Variants in COL14A1 observed in about 807,000 individuals in gnomAD.
COL14A1 encodes collagen alpha-1(XIV) chain.
In COL14A1, 136 loss-of-function variants were observed where a neutral mutation model predicts 230.3. The ratio of observed to expected loss-of-function variants is 0.59; its 90% CI spans 0.51 to 0.68. The LOEUF (loss-of-function observed/expected upper bound fraction) is 0.68, where lower values mean the gene tolerates loss of function less well. COL14A1 is among the 30% of genes least tolerant of loss of function. COL14A1 has a pLI of 0.00. For synonymous variants in COL14A1, 792 were observed against 784.1 expected, an observed-to-expected ratio of 1.01 and a Z score of -0.17; for missense variants, 1,976 against 2,215.8, an observed-to-expected ratio of 0.89 and a Z score of 2.17.
intron 32 of COL14A1, among the ~76,000 whole-genome samples, chr8:120,284,493 T>G (rs10106845): frequency 0.13 from 19,825 of 152,190 alleles, 1,407 homozygotes; most frequent in Non-Finnish European, 0.16. Context: ...ATATCTAGTT[T>G]TAGTTTAGGA....
chr8:120,285,805 A>G, intron 32 of COL14A1, 56 bp from the exon 33 acceptor site: 2 of 1,183,054 alleles, frequency 1.7e-6, no homozygotes, highest in Non-Finnish European at 2.4e-6. Flanking sequence ...AATTTTAGAA[A>G]ACAAAATTCA....
chr8:120,298,332 G>A (rs1435016209), intron 35 of COL14A1, among the ~76,000 whole-genome samples: 3 of 151,540 alleles, frequency 2.0e-5, no homozygotes, highest in Non-Finnish European at 4.4e-5. Flanking sequence ...GGACCCCTGT[G>A]AGCTCAATAT....
intron 14 of COL14A1, among the ~76,000 whole-genome samples, chr8:120,220,507 C>T (rs758585386): frequency 4.6e-5 from 7 of 152,016 alleles, no homozygotes; most frequent in African/African-American, 7.2e-5. Context: ...CTCTTGACCT[C>T]GTGATCTGCC....
chr8:120,261,519 A>G (rs1023667882), intron 23 of COL14A1, among the ~76,000 whole-genome samples: 6 of 152,200 alleles, frequency 3.9e-5, no homozygotes, highest in African/African-American at 1.4e-4. Context: ...ATTAATCCAG[A>G]TTCCTCAGTC....
At chr8:120,158,738 T>C (rs1273358231) in intron 3 of COL14A1, among the ~76,000 whole-genome samples, 1 of 152,178 alleles carries the variant, frequency 6.6e-6, no homozygotes. Flanking sequence ...AAATTAAGCA[T>C]CTTTATTTTA....
At chr8:120,250,167 T>C (rs1408600947) in intron 21 of COL14A1, among the ~76,000 whole-genome samples, 1 of 152,214 alleles carries the variant, frequency 6.6e-6, no homozygotes, top group Non-Finnish European at 1.5e-5. Context: ...GTGGTAACAT[T>C]GATGCTGGTT....
At chr8:120,257,879 T>A (rs993451715) in intron 23 of COL14A1, among the ~76,000 whole-genome samples, 2 of 152,200 alleles carry the variant, frequency 1.3e-5, no homozygotes, top group Non-Finnish European at 2.9e-5. Context: ...TATTTTTTCA[T>A]AGCTTAAGCA....
At chr8:120,149,453 G>C (rs1381422354) in intron 2 of COL14A1, among the ~76,000 whole-genome samples, 1 of 152,142 alleles carries the variant, frequency 6.6e-6, no homozygotes. Flanking sequence ...AATGCTTTTA[G>C]CTGTGGCAAT....
At chr8:120,124,653 G>T (rs375082494), upstream of COL14A1, among the ~76,000 whole-genome samples, 22 of 152,200 alleles carry the variant, frequency 1.4e-4, no homozygotes, top group Non-Finnish European at 2.6e-4. Context: ...AGAAGAGGAG[G>T]CTCGAAGGGG....
rs144526831 is a variant in COL14A1, at chr8:120,229,089, TTTTTATTTTA to T, written c.2197+339_2197+348del. Among the ~76,000 whole-genome samples, 430 of 137,432 alleles carry T rather than the reference TTTTTATTTTA, an allele frequency of 3.1e-3. 6 individuals are homozygous for T. Among genetic ancestry groups the T allele is most frequent in the African/African-American group, 0.011 (391 of 36,606 alleles). The allele number at this position is 137,432 out of a possible 152,430, so 90.2% of individuals were successfully genotyped here. On this transcript the variant is annotated intron_variant, in intron 18 of 47. Coordinates refer to ENST00000297848, the MANE Select transcript of COL14A1 (RefSeq NM_021110.4). ...TCTTTGCCCTCCTCTTTTTTTTTTC[TTTTTATTTTA>T]TTTTATTTTATTTTATTTATTATTA...
intron 47 of COL14A1, chr8:120,370,671 C>G: frequency 1.4e-6 from 2 of 1,447,162 alleles, no homozygotes; most frequent in South Asian, 2.5e-5. Flanking sequence ...CCCAGACTCC[C>G]CTGTGTGACA....
chr8:120,308,924 T>A (rs748203134), intron 36 of COL14A1, among the ~76,000 whole-genome samples: 1 of 152,134 alleles, frequency 6.6e-6, no homozygotes, highest in Non-Finnish European at 1.5e-5. Flanking sequence ...CAGACTTCAA[T>A]AGAAACAGAA....
At chr8:120,169,291 G>A (rs923027827) in intron 5 of COL14A1, among the ~76,000 whole-genome samples, 5 of 152,284 alleles carry the variant, frequency 3.3e-5, no homozygotes, top group Admixed American at 1.3e-4. Context: ...TTGATAGATG[G>A]CAGGCTCTAT....
At chr8:120,219,263 C>A (rs1223590849) in intron 14 of COL14A1, among the ~76,000 whole-genome samples, 1 of 152,042 alleles carries the variant, frequency 6.6e-6, no homozygotes, top group Non-Finnish European at 1.5e-5. Context: ...ACTACACATG[C>A]CACCATGCCT....
chr8:120,324,955 T>G (rs1414809735), intron 40 of COL14A1, among the ~76,000 whole-genome samples: 1 of 152,042 alleles, frequency 6.6e-6, no homozygotes, highest in Non-Finnish European at 1.5e-5. Context: ...TACCAAAAAA[T>G]GTTTAGAAAC....
chr8:120,170,031 CAT>C (rs1816046466), intron 5 of COL14A1, among the ~76,000 whole-genome samples: 1 of 151,950 alleles, frequency 6.6e-6, no homozygotes, highest in Non-Finnish European at 1.5e-5. Context: ...CAGCTTAAAA[CAT>C]ATTTAATTAT....
chr8:120,200,715 T>TTA (rs34177030), intron 8 of COL14A1, among the ~76,000 whole-genome samples: 1,040 of 84,958 alleles, frequency 0.012, 10 homozygotes, highest in Non-Finnish European at 0.017. Context: ...GTTTTCCTAT[T>TTA]TATATATATA....
At chr8:120,236,653 C>T (rs1465558375) in intron 19 of COL14A1, among the ~76,000 whole-genome samples, 6 of 152,068 alleles carry the variant, frequency 3.9e-5, no homozygotes, top group East Asian at 3.9e-4. Flanking sequence ...AATTCGATCC[C>T]GTCATTATGA....
In COL14A1 at chr8:120,208,261, A is replaced by C. The variant is rs745412626; in HGVS notation, c.1221A>C (p.Thr407=). 4 of 1,613,272 alleles carry C rather than the reference A, an allele frequency of 2.5e-6. No homozygotes were observed. Among genetic ancestry groups the C allele is most frequent in the Non-Finnish European group, 3.4e-6 (4 of 1,179,608 alleles). ...EVVVDGTVSS[T]VLKNLMSLTE... ...TGGTAGATGGAACTGTATCTTCCAC[A>C]GTGTTGAAAAACTTGATGTCTTTAA... The change falls in exon 11 of 48, where the codon ACA becomes ACC. Residue 407 remains threonine (T), a synonymous_variant. Transcript: ENST00000297848.
Sources: gnomAD v4.1 joint callset for allele counts (sites outside exome capture counted in the v4.1 genomes callset) on GRCh38, gnomAD v4.1.1 for gene constraint, MANE v1.5 for transcripts, NCBI Gene and HGNC (gene_info 2026-07-23, HGNC 2026-07-21) for gene names.